The following PPP4R4 variants were observed in gnomAD, a reference collection of about 807,000 sequenced individuals.
PPP4R4 encodes the protein protein phosphatase 4 regulatory subunit 4, also known as serine/threonine-protein phosphatase 4 regulatory subunit 4.
In PPP4R4, 70 loss-of-function variants were observed where a neutral mutation model predicts 121.8. The ratio of observed to expected loss-of-function variants is 0.57; its 90% confidence interval spans 0.47 to 0.70. PPP4R4 has a LOEUF of 0.70. Ranked by LOEUF, PPP4R4 falls within the 30% of genes least tolerant of loss-of-function variation. The probability of loss-of-function intolerance (pLI) is 0.00; values close to 1 mark genes in which losing one functional copy is unlikely to be tolerated. For missense variants in PPP4R4, 875 were observed against 1,033.6 expected (o/e 0.85, Z 2.10); for synonymous variants, 348 against 355.7 (o/e 0.98, Z 0.24).
intron 23 of PPP4R4, among the ~76,000 whole-genome samples, chr14:94,269,520 A>T (rs985485663): frequency 3.3e-5 from 5 of 152,036 alleles, no homozygotes; most frequent in African/African-American, 1.2e-4. Context: ...CTAAAAATAA[A>T]AAAAAAAAAA....
chr14:94,223,892 C>T (rs1279373523), intron 3 of PPP4R4, among the ~76,000 whole-genome samples: 1 of 152,092 alleles, frequency 6.6e-6, no homozygotes, highest in African/African-American at 2.4e-5. Context: ...ACCCTGTCAC[C>T]ATCTCCACAT....
intron 3 of PPP4R4, among the ~76,000 whole-genome samples, chr14:94,230,127 C>T (rs920424980): frequency 1.3e-5 from 2 of 152,076 alleles, no homozygotes; most frequent in Admixed American, 1.3e-4. Context: ...TTTGCATACT[C>T]TTAAGTGTAT....
At chr14:94,239,379 C>A (rs1054432400) in intron 8 of PPP4R4, among the ~76,000 whole-genome samples, 4 of 117,564 alleles carry the variant, frequency 3.4e-5, no homozygotes, top group Admixed American at 2.4e-4. Context: ...CCCCGGTGTT[C>A]GATGTTCCCC....
rs569240931 is a variant in PPP4R4 at position 94,235,705 on chromosome 14, C to G, written c.731+1036C>G. Among the ~76,000 whole-genome samples, 6 of 152,118 alleles carry G rather than the reference C, an allele frequency of 3.9e-5. No individual in the cohort carries two copies. In the East Asian group the frequency reaches 9.7e-4, roughly 25 times the overall value. ...TGAGCCACCGCGCCCAGCTGTTGCT[C>G]CCCTTGTTCTATGGGTGCCTGAAGC... On this transcript the variant is annotated intron_variant, in intron 7 of 24. Coordinates refer to ENST00000304338, the MANE Select transcript of PPP4R4 (RefSeq NM_058237.2).
chr14:94,244,559 A>T, intron 11 of PPP4R4, 76 bp from the exon 12 acceptor site: 4 of 1,152,316 alleles, frequency 3.5e-6, no homozygotes, highest in Non-Finnish European at 4.7e-6. Context: ...ACAAGGATGT[A>T]TTTTTAAAAA....
At chr14:94,177,127 C>T (rs905349092) in intron 2 of PPP4R4, among the ~76,000 whole-genome samples, 28 of 151,592 alleles carry the variant, frequency 1.8e-4, no homozygotes, top group African/African-American at 6.8e-4. Context: ...CTTTTTTAGC[C>T]TTCTAAAAGT....
At chr14:94,242,216 C>A in intron 10 of PPP4R4, 73 bp from the exon 11 acceptor site, 3 of 1,483,004 alleles carry the variant, frequency 2.0e-6, no homozygotes, top group Non-Finnish European at 2.8e-6. Flanking sequence ...TTAAGTGAAA[C>A]GATTATAATA....
intron 19 of PPP4R4, among the ~76,000 whole-genome samples, chr14:94,259,962 T>C (rs764034076): frequency 7.2e-5 from 11 of 152,196 alleles, no homozygotes; most frequent in Non-Finnish European, 7.4e-5. Context: ...TTCACCTCTT[T>C]ATGGACATTT....
At chr14:94,200,571 A>G (rs1890118027) in intron 2 of PPP4R4, among the ~76,000 whole-genome samples, 1 of 152,156 alleles carries the variant, frequency 6.6e-6, no homozygotes, top group African/African-American at 2.4e-5. Context: ...GGAGGGTTGT[A>G]TACTTCCAAG....
intron 2 of PPP4R4, among the ~76,000 whole-genome samples, chr14:94,192,208 C>A (rs2139406579): frequency 6.6e-6 from 1 of 152,142 alleles, no homozygotes; most frequent in Non-Finnish European, 1.5e-5. Context: ...CTACATAAAC[C>A]TTTTAAGGCA....
intron 17 of PPP4R4, among the ~76,000 whole-genome samples, chr14:94,257,476 C>CT (rs1320466032): frequency 1.3e-5 from 2 of 151,880 alleles, no homozygotes; most frequent in Non-Finnish European, 1.5e-5. Context: ...TATTTTTTCT[C>CT]TTTTTTTCTA....
At chr14:94,239,686 A>G (rs548001836) in intron 8 of PPP4R4, among the ~76,000 whole-genome samples, 24 of 152,188 alleles carry the variant, frequency 1.6e-4, no homozygotes, top group Non-Finnish European at 3.1e-4. Flanking sequence ...TGATGCAAGA[A>G]CAGAGCTGAG....
At chr14:94,268,660 C>T (rs999112018) in intron 23 of PPP4R4, among the ~76,000 whole-genome samples, 4 of 152,104 alleles carry the variant, frequency 2.6e-5, no homozygotes, top group African/African-American at 9.7e-5. Context: ...GGAGGCCTCA[C>T]AATCATGGCA....
chr14:94,178,520 G>C (rs192765843), intron 2 of PPP4R4, among the ~76,000 whole-genome samples: 44 of 151,838 alleles, frequency 2.9e-4, no homozygotes, highest in Admixed American at 7.9e-4. Flanking sequence ...ATAGCATTTA[G>C]ATTGAATCCA....
intron 13 of PPP4R4, among the ~76,000 whole-genome samples, chr14:94,245,901 A>G (rs530169086): frequency 1.2e-4 from 18 of 152,288 alleles, no homozygotes; most frequent in African/African-American, 4.3e-4. Flanking sequence ...TTTGGAGTTT[A>G]TGTTCATATT....
chr14:94,271,019 T>C lies in PPP4R4; in HGVS notation c.2449+3990T>C, dbSNP rs149203743. ...ATAGGCTCATATCTATTAAAGAAAT[T>C]GAATTGGTAATTAATAATCTTCCAA... On this transcript the variant is annotated intron_variant, in intron 23 of 24. Coordinates refer to ENST00000304338, the MANE Select transcript of PPP4R4 (RefSeq NM_058237.2). Among the ~76,000 whole-genome samples the C allele has an allele frequency of 7.6e-3, 1,152 of 152,120 alleles. 16 individuals carry two copies. Among genetic ancestry groups the C allele is most frequent in the African/African-American group, 0.026 (1,084 of 41,530 alleles).
chr14:94,260,667 G>T (rs1274348078), intron 19 of PPP4R4, among the ~76,000 whole-genome samples: 2 of 151,814 alleles, frequency 1.3e-5, no homozygotes, highest in Non-Finnish European at 2.9e-5. Context: ...TTTTAAGTGG[G>T]TTGTTTATTA....
At chr14:94,273,955 G>T (rs1894491869) in intron 23 of PPP4R4, among the ~76,000 whole-genome samples, 1 of 152,024 alleles carries the variant, frequency 6.6e-6, no homozygotes, top group African/African-American at 2.4e-5. Context: ...TAACCTAATA[G>T]TGTACATTTT....
At chr14:94,244,578 G>A (rs1275016938) in intron 11 of PPP4R4, 57 bp from the exon 12 acceptor site, 7 of 1,299,418 alleles carry the variant, frequency 5.4e-6, no homozygotes, top group South Asian at 4.4e-5. Flanking sequence ...AATTATTATT[G>A]TAACCTGTAT....
Sources: gnomAD v4.1 joint callset for allele counts (sites outside exome capture counted in the v4.1 genomes callset) on GRCh38, gnomAD v4.1.1 for gene constraint, MANE v1.5 for transcripts, NCBI Gene and HGNC (gene_info 2026-07-23, HGNC 2026-07-21) for gene names.